The following NKAIN2 variants were observed in gnomAD, a reference collection of about 807,000 sequenced individuals.
The protein encoded by NKAIN2 is sodium/potassium-transporting ATPase subunit beta-1-interacting protein 2.
A neutral mutation model predicts 32.6 loss-of-function variants in NKAIN2; 14 were observed. The observed-to-expected ratio is 0.43, with a 90% CI of 0.28 to 0.67. The LOEUF (loss-of-function observed/expected upper bound fraction) is 0.67, where lower values mean the gene tolerates loss of function less well. Ranked by LOEUF, NKAIN2 falls within the 30% of genes least tolerant of loss-of-function variation. The probability of loss-of-function intolerance (pLI) is 0.17; values close to 1 mark genes in which losing one functional copy is unlikely to be tolerated. For synonymous variants in NKAIN2, 80 were observed against 87.2 expected, an observed-to-expected ratio of 0.92 and a Z score of 0.46; for missense variants, 198 against 258.3, an observed-to-expected ratio of 0.77 and a Z score of 1.60.
At chr6:124,212,304 G>A (rs539221444) in intron 1 of NKAIN2, among the ~76,000 whole-genome samples, 104 of 151,826 alleles carry the variant, frequency 6.8e-4, no homozygotes, top group African/African-American at 2.2e-3. Context: ...TTTATGCTGC[G>A]ACTTCAATCT....
rs17553648 is a variant in NKAIN2 at position 124,077,387 on chromosome 6, T to G, written c.55-205618T>G. 6.9e-3 allele frequency among the ~76,000 whole-genome samples: 1,048 copies of G among 152,326 alleles called. 9 individuals are homozygous for G. Among genetic ancestry groups the G allele is most frequent in the Middle Eastern group, 0.01 (3 of 294 alleles). The stretch of plus-strand genomic sequence containing the variant: ...TTGCTCTGTATGAGCTGCTGTTAGC[T>G]CTGAAACCATTTGAGAGACTTGATA... On this transcript the variant is annotated intron_variant, in intron 1 of 6. Transcript: ENST00000368417.
rs544679592 is a variant in NKAIN2, at chr6:124,809,945, C to T, written c.536-8442C>T. On this transcript the variant is annotated intron_variant, in intron 5 of 6. Coordinates refer to ENST00000368417, the MANE Select transcript of NKAIN2 (RefSeq NM_001040214.3). ...AAAACCACAATGAGATATCATCTCA[C>T]ACCAGTTAGAATGGCAATCATTAAA... Among the ~76,000 whole-genome samples the T allele has an allele frequency of 1.3e-4, 20 of 152,288 alleles. No individual in the cohort carries two copies. The East Asian group carries it at 3.3e-3, about 25-fold the overall frequency.
chr6:124,371,329 T>A (rs117327288), intron 3 of NKAIN2, among the ~76,000 whole-genome samples: 3,630 of 151,988 alleles, frequency 0.024, 90 homozygotes, highest in Non-Finnish European at 0.034. Flanking sequence ...CCTACAATCT[T>A]GTAACTCTAG....
chr6:124,152,386 TGTC>T (rs1787771309), intron 1 of NKAIN2, among the ~76,000 whole-genome samples: 1 of 151,942 alleles, frequency 6.6e-6, no homozygotes, highest in Non-Finnish European at 1.5e-5. Context: ...TGGTAGTGTA[TGTC>T]TTGCAGCTAT....
chr6:124,559,836 T>TTC (rs1780621733), intron 3 of NKAIN2, among the ~76,000 whole-genome samples: 1 of 25,714 alleles, frequency 3.9e-5, no homozygotes, highest in African/African-American at 1.4e-4. Context: ...AATAAACCAT[T>TTC]TTTTTTTTTT....
intron 1 of NKAIN2, among the ~76,000 whole-genome samples, chr6:124,279,283 C>T (rs1032794831): frequency 2.6e-5 from 4 of 151,804 alleles, no homozygotes; most frequent in African/African-American, 4.8e-5. Context: ...CGACGTGGGC[C>T]GATCATGAGG....
chr6:124,228,039 G>A (rs1792215627), intron 1 of NKAIN2, among the ~76,000 whole-genome samples: 2 of 152,240 alleles, frequency 1.3e-5, no homozygotes, highest in East Asian at 1.9e-4. Flanking sequence ...ACGTGGCAAA[G>A]CAAGAGCAAG....
chr6:124,332,801 G>T lies in NKAIN2; in HGVS notation c.193-22466G>T, dbSNP rs575594580. Among the ~76,000 whole-genome samples the T allele has an allele frequency of 1.1e-3, 161 of 152,272 alleles. 1 individual carries two copies. The highest frequency in any genetic ancestry group is 0.01 in the Middle Eastern group (3 of 294). On this transcript the variant is annotated intron_variant, in intron 2 of 6. Transcript: ENST00000368417. ...ACTGTTGGACTTGCCCATGGGCACT[G>T]CAGCTAAGACTTGTTATATGAGAAA... is the stretch of plus-strand genomic sequence containing the variant.
At chr6:124,598,576 C>G (rs1369222274) in intron 3 of NKAIN2, among the ~76,000 whole-genome samples, 1 of 151,530 alleles carries the variant, frequency 6.6e-6, no homozygotes, top group Non-Finnish European at 1.5e-5. Flanking sequence ...AAAGCCACAG[C>G]TAACTTCAGT....
chr6:123,875,210 A>C (rs1428073859), intron 1 of NKAIN2, among the ~76,000 whole-genome samples: 13 of 151,956 alleles, frequency 8.6e-5, no homozygotes, highest in Admixed American at 8.5e-4. Flanking sequence ...TTTTTTTTAC[A>C]GGTTTTCTCA....
intron 1 of NKAIN2, among the ~76,000 whole-genome samples, chr6:124,269,571 G>A (rs958044324): frequency 6.6e-6 from 1 of 150,930 alleles, no homozygotes; most frequent in African/African-American, 2.4e-5. Flanking sequence ...AAGTTCAAGC[G>A]ATTCTCCTGC....
chr6:123,962,786 T>C (rs1018321529), intron 1 of NKAIN2, among the ~76,000 whole-genome samples: 1 of 152,150 alleles, frequency 6.6e-6, no homozygotes, highest in Non-Finnish European at 1.5e-5. Flanking sequence ...TCAGAGCCAT[T>C]ATTGCCTGTT....
intron 4 of NKAIN2, among the ~76,000 whole-genome samples, chr6:124,665,673 G>A (rs1309961494): frequency 6.6e-6 from 1 of 152,094 alleles, no homozygotes; most frequent in Non-Finnish European, 1.5e-5. Flanking sequence ...CTTCACTACT[G>A]ATTCTTCTAT....
intron 4 of NKAIN2, among the ~76,000 whole-genome samples, chr6:124,676,131 C>A (rs1583626226): frequency 6.6e-6 from 1 of 152,084 alleles, no homozygotes; most frequent in Admixed American, 6.6e-5. Flanking sequence ...TTCATGAATT[C>A]TCCTATGTTT....
chr6:124,349,803 T>C (rs916020973), intron 2 of NKAIN2, among the ~76,000 whole-genome samples: 18 of 152,230 alleles, frequency 1.2e-4, no homozygotes, highest in Admixed American at 1.1e-3. Flanking sequence ...ATAGCTAATT[T>C]GATTTCATCA....
chr6:123,879,521 G>C (rs1202634204), intron 1 of NKAIN2, among the ~76,000 whole-genome samples: 2 of 152,148 alleles, frequency 1.3e-5, no homozygotes, highest in Non-Finnish European at 2.9e-5. Flanking sequence ...TATTGACACA[G>C]CTCTGCTCCT....
intron 1 of NKAIN2, among the ~76,000 whole-genome samples, chr6:124,109,700 G>A (rs1322027188): frequency 6.6e-6 from 1 of 151,952 alleles, no homozygotes; most frequent in Admixed American, 6.6e-5. Flanking sequence ...GTAGAGACAA[G>A]CTTTCTGTTC....
At chr6:124,806,208 T>G (rs1035945853) in intron 5 of NKAIN2, among the ~76,000 whole-genome samples, 5 of 151,768 alleles carry the variant, frequency 3.3e-5, no homozygotes, top group Admixed American at 2.6e-4. Flanking sequence ...AAAGTTGAAA[T>G]GAAGGAAAAA....
Position 124,355,620 on chromosome 6 carries a change from T to A in NKAIN2, c.273+273T>A, listed in dbSNP as rs776071369. 5.7e-4 allele frequency among the ~76,000 whole-genome samples: 87 copies of A among 152,200 alleles called. 1 individual carries two copies. The highest frequency in any genetic ancestry group is 7.3e-5 in the Non-Finnish European group (5 of 68,040). ...AAAACATTAACCACTGAATGATTTC[T>A]GAAGCAAAATGTGAATTTTTTTCAG... On this transcript the variant is annotated intron_variant, in intron 3 of 6. Transcript: ENST00000368417.
Sources: allele counts gnomAD v4.1 joint callset (sites outside exome capture counted in the v4.1 genomes callset), GRCh38; gene constraint gnomAD v4.1.1; transcripts MANE v1.5; gene names NCBI Gene and HGNC (gene_info 2026-07-23, HGNC 2026-07-21).